PCDH9: variants seen among roughly 807,000 people sequenced by gnomAD.
The protein encoded by PCDH9 is protocadherin-9.
In PCDH9, 24 loss-of-function variants were observed where a neutral mutation model predicts 70.6. That is an observed-to-expected ratio of 0.34 (90% CI 0.25 to 0.48). The LOEUF is 0.48. PCDH9 is among the 20% of genes least tolerant of loss of function. The pLI, the probability that PCDH9 is intolerant of heterozygous loss-of-function variation, is 0.99. For missense variants in PCDH9, 1,281 were observed against 1,503.6 expected, an observed-to-expected ratio of 0.85 and a Z score of 2.45; for synonymous variants, 562 against 558.5, an observed-to-expected ratio of 1.01 and a Z score of -0.09.
At chr13:66,305,551 ATTG>A (rs1336003876) in intron 4 of PCDH9, among the ~76,000 whole-genome samples, 1 of 151,890 alleles carries the variant, frequency 6.6e-6, no homozygotes, top group Non-Finnish European at 1.5e-5. Flanking sequence ...TATATAAAAT[ATTG>A]TTTTTTTCTA....
intron 4 of PCDH9, among the ~76,000 whole-genome samples, chr13:66,312,850 C>T (rs529701487): frequency 2.6e-5 from 4 of 152,308 alleles, no homozygotes; most frequent in Non-Finnish European, 4.4e-5. Context: ...AAATGTTTTA[C>T]ACATTTCTCA....
chr13:66,439,958 G>A (rs1010800169), intron 4 of PCDH9, among the ~76,000 whole-genome samples: 1 of 152,068 alleles, frequency 6.6e-6, no homozygotes, highest in Non-Finnish European at 1.5e-5. Context: ...AATCCATACT[G>A]CGCCCTTAAT....
rs868778599 is a variant in PCDH9, at chr13:67,158,492, C to T, written c.3036+66913G>A. Among the ~76,000 whole-genome samples, 13 of 152,190 alleles carry T rather than the reference C, an allele frequency of 8.5e-5. No individual in the cohort carries two copies. In the Middle Eastern group the frequency reaches 0.014, roughly 160 times the overall value. ...CAGTGGAACCTTTGAGAAGTAATTC[C>T]GTCATGAGGGCAGGGCCCTCATGAG... On this transcript the variant is annotated intron_variant, in intron 2 of 4. Transcript: ENST00000377865.
intron 2 of PCDH9, among the ~76,000 whole-genome samples, chr13:67,039,723 C>G (rs1461815983): frequency 1.3e-5 from 2 of 152,090 alleles, no homozygotes; most frequent in African/African-American, 4.8e-5. Flanking sequence ...AAGTAAAATA[C>G]TGCCCTGAGT....
At position 67,226,536 on chromosome 13, in the gene PCDH9, T is replaced by G. The variant is rs1264584887; in HGVS notation, c.1905A>C (p.Arg635Ser). The G allele has an allele frequency of 1.2e-6, 2 of 1,613,922 alleles. No homozygotes were observed. Among genetic ancestry groups the G allele is most frequent in the Non-Finnish European group, 1.7e-6 (2 of 1,179,774 alleles). ...GVIKSNVSFDREQQSSYTFDV... is the reference protein window; with the variant it reads ...GVIKSNVSFDSEQQSSYTFDV... ...CAAAAGTGTAGGAACTCTGCTGCTC[T>G]CTATCAAATGAGACATTTGACTTTA... The change falls in exon 2 of 5, where the codon AGA (arginine) becomes AGC (serine). Residue 635 changes from arginine (R) to serine (S), a missense_variant. Physicochemically the swap from Arg to Ser is moderately radical, Grantham distance 110. This residue lies in a region of PCDH9 where 798 missense variants were observed against 1,003.1 expected (regional missense o/e 0.80). Transcript: ENST00000377865. The surrounding 1 kb of genome is among the most constrained non-coding windows in gnomAD (Gnocchi z 5.0).
intron 2 of PCDH9, among the ~76,000 whole-genome samples, chr13:66,945,139 G>C (rs942586459): frequency 1.3e-5 from 2 of 151,952 alleles, no homozygotes; most frequent in African/African-American, 2.4e-5. Context: ...TATTAGTAAA[G>C]GTATCTATAT....
chr13:66,695,732 G>C (rs2078554100), intron 3 of PCDH9, among the ~76,000 whole-genome samples: 1 of 151,950 alleles, frequency 6.6e-6, no homozygotes, highest in Non-Finnish European at 1.5e-5. Flanking sequence ...ATTTTTAATT[G>C]ACTGATTGCA....
chr13:67,063,598 G>A (rs929121403), intron 2 of PCDH9, among the ~76,000 whole-genome samples: 1 of 150,442 alleles, frequency 6.6e-6, no homozygotes, highest in Admixed American at 6.6e-5. Flanking sequence ...ATACTATACT[G>A]CCGATTTGCC....
chr13:66,962,070 A>C (rs2083357722), intron 2 of PCDH9, among the ~76,000 whole-genome samples: 1 of 148,276 alleles, frequency 6.7e-6, no homozygotes, highest in East Asian at 2.0e-4. Flanking sequence ...AAAACAAAAC[A>C]AAAAAAAAAG....
chr13:66,362,081 A>G (rs553511287), intron 4 of PCDH9, among the ~76,000 whole-genome samples: 1 of 152,316 alleles, frequency 6.6e-6, no homozygotes, highest in African/African-American at 2.4e-5. Context: ...TTTGGAACAA[A>G]ATTACTGATA....
intron 4 of PCDH9, among the ~76,000 whole-genome samples, chr13:66,591,227 T>TA (rs2077035412): frequency 6.6e-6 from 1 of 151,768 alleles, no homozygotes; most frequent in African/African-American, 2.4e-5. Flanking sequence ...CCTAGTTTAT[T>TA]GTTTTGCACA....
chr13:66,935,168 CT>C (rs1175515366), intron 2 of PCDH9, among the ~76,000 whole-genome samples: 1 of 152,068 alleles, frequency 6.6e-6, no homozygotes, highest in East Asian at 1.9e-4. Context: ...TCAAGCATTC[CT>C]TTCTCCTCAG....
At chr13:67,108,213 G>A (rs1355024873) in intron 2 of PCDH9, among the ~76,000 whole-genome samples, 1 of 152,176 alleles carries the variant, frequency 6.6e-6, no homozygotes, top group Non-Finnish European at 1.5e-5. Flanking sequence ...AAGCCCAGCA[G>A]GCATGAGCAA....
chr13:66,616,945 T>A (rs1158077079), intron 4 of PCDH9, among the ~76,000 whole-genome samples: 1 of 152,102 alleles, frequency 6.6e-6, no homozygotes, highest in Non-Finnish European at 1.5e-5. Context: ...GAAAACTGCA[T>A]CTAAGGAATC....
At chr13:66,516,585 G>C (rs916579158) in intron 4 of PCDH9, among the ~76,000 whole-genome samples, 1 of 152,066 alleles carries the variant, frequency 6.6e-6, no homozygotes, top group Non-Finnish European at 1.5e-5. Flanking sequence ...CATATTCTTT[G>C]TGAGCAATTC....
chr13:66,327,003 T>C (rs890565967), intron 4 of PCDH9, among the ~76,000 whole-genome samples: 3 of 152,096 alleles, frequency 2.0e-5, no homozygotes, highest in African/African-American at 4.8e-5. Context: ...CTTTTTTTTT[T>C]CTGTATTTTG....
intron 4 of PCDH9, among the ~76,000 whole-genome samples, chr13:66,585,037 G>A (rs537063361): frequency 1.6e-4 from 25 of 152,024 alleles, no homozygotes; most frequent in South Asian, 8.4e-4. Flanking sequence ...GGGGGTAGGG[G>A]GTAGGATAGA....
chr13:66,861,457 A>G (rs1471909170), intron 3 of PCDH9, among the ~76,000 whole-genome samples: 1 of 152,166 alleles, frequency 6.6e-6, no homozygotes, highest in Non-Finnish European at 1.5e-5. Context: ...TTCCTATTCA[A>G]TTATTTATAT....
chr13:67,045,559 C>T (rs1292139150), intron 2 of PCDH9, among the ~76,000 whole-genome samples: 3 of 149,348 alleles, frequency 2.0e-5, no homozygotes, highest in Non-Finnish European at 4.5e-5. Context: ...ACAAGAAAAA[C>T]AAACAAAAAA....
Sources: gnomAD v4.1 joint callset for allele counts (sites outside exome capture counted in the v4.1 genomes callset) on GRCh38, gnomAD v4.1.1 for gene constraint, gnomAD v4.1.1 regional missense constraint, Gnocchi (gnomAD v3.1) non-coding constraint, MANE v1.5 for transcripts, NCBI Gene and HGNC (gene_info 2026-07-23, HGNC 2026-07-21) for gene names.